The following TNIK variants were observed in gnomAD, a reference collection of about 807,000 sequenced individuals.
The protein encoded by TNIK is TRAF2 and NCK interacting kinase.
TNIK carries 49 observed loss-of-function variants against 191.3 expected under a neutral mutation model. The ratio of observed to expected loss-of-function variants is 0.26; its 90% confidence interval spans 0.20 to 0.32. TNIK has a LOEUF of 0.32. TNIK is among the 10% of genes least tolerant of loss of function. TNIK has a pLI of 1.00. For synonymous variants in TNIK, 594 were observed against 600.9 expected (o/e 0.99, Z 0.17); for missense variants, 1,155 against 1,702.3 (o/e 0.68, Z 5.66).
At chr3:171,171,703 C>T (rs998014799) in intron 9 of TNIK, among the ~76,000 whole-genome samples, 20 of 152,060 alleles carry the variant, frequency 1.3e-4, no homozygotes, top group Admixed American at 9.2e-4. Flanking sequence ...AGTATACTTG[C>T]GAGGGCAGGT....
chr3:171,244,897 CA>C (rs1468225881), intron 2 of TNIK, among the ~76,000 whole-genome samples: 1 of 151,444 alleles, frequency 6.6e-6, no homozygotes, highest in Non-Finnish European at 1.5e-5. Flanking sequence ...TAGATTTCAA[CA>C]AAAGGCTTGA....
rs1483416646 is a variant in TNIK at position 171,362,898 on chromosome 3, C to T, written c.123+6722G>A. ...AGATACAGTGGAAATGCCAAAGCCT[C>T]TAAGCTTTTTCCAAACCCACATCTT... On this transcript the variant is annotated intron_variant, in intron 2 of 32. Transcript: ENST00000436636. Among the ~76,000 whole-genome samples, 8 of 152,274 alleles carry T rather than the reference C, an allele frequency of 5.3e-5. No individual in the cohort carries two copies. The East Asian group carries it at 1.4e-3, about 26-fold the overall frequency.
chr3:171,157,661 G>A lies in TNIK; in HGVS notation c.1020C>T (p.Ser340=), dbSNP rs765581065. The A allele has an allele frequency of 6.4e-7, 1 of 1,553,734 alleles. No individual in the cohort carries two copies. The highest frequency in any genetic ancestry group is 8.7e-7 in the Non-Finnish European group (1 of 1,148,284). The change falls in exon 12 of 33, where the codon TCC becomes TCT. Residue 340 remains serine (S), a synonymous_variant. Transcript: ENST00000436636. ...EEENDSGEPS[S]ILNLPGESTL... is the part of the protein sequence containing the mutation. ...TCGACTCCCCTGGCAGATTCAGGAT[G>A]GAGCTGTGGGTAGGAGAGAGTGATC...
intron 1 of TNIK, 87 bp downstream of exon 1, chr3:171,459,920 G>A: frequency 8.6e-7 from 1 of 1,157,390 alleles, no homozygotes; most frequent in Non-Finnish European, 1.2e-6. Flanking sequence ...CTGTCCCCCT[G>A]CCCCAGCCCC....
intron 13 of TNIK, 66 bp downstream of exon 13, chr3:171,140,333 C>T (rs1422851194): frequency 5.2e-6 from 7 of 1,356,228 alleles, no homozygotes; most frequent in Non-Finnish European, 7.0e-6. Context: ...GTGACCCACA[C>T]CCCAGAGAAG....
intron 2 of TNIK, among the ~76,000 whole-genome samples, chr3:171,368,094 G>C (rs1715993249): frequency 6.6e-6 from 1 of 152,072 alleles, no homozygotes; most frequent in Admixed American, 6.5e-5. Context: ...GATAATTCTG[G>C]ATTTTCCAAA....
intron 2 of TNIK, among the ~76,000 whole-genome samples, chr3:171,246,721 G>C (rs1229264084): frequency 1.3e-5 from 2 of 152,158 alleles, no homozygotes; most frequent in Non-Finnish European, 2.9e-5. Context: ...TCAAGATCTT[G>C]AGTTTTCAGC....
chr3:171,227,065 T>C (rs374468141), intron 3 of TNIK, among the ~76,000 whole-genome samples: 5 of 152,310 alleles, frequency 3.3e-5, no homozygotes, highest in Admixed American at 6.5e-5. Flanking sequence ...TTAGCTTTCA[T>C]GTACAGCAGA....
intron 25 of TNIK, 31 bp downstream of exon 25, chr3:171,085,087 G>A: frequency 6.4e-7 from 1 of 1,558,694 alleles, no homozygotes; most frequent in Non-Finnish European, 8.7e-7. Flanking sequence ...AGACGAAGCT[G>A]TTTTTTAAAC....
chr3:171,135,948 G>A (rs921549392), intron 15 of TNIK, among the ~76,000 whole-genome samples: 5 of 152,224 alleles, frequency 3.3e-5, no homozygotes, highest in African/African-American at 1.2e-4. Context: ...AGAGAGGACA[G>A]ACCAGTAAAT....
At chr3:171,251,163 A>G (rs1577251555) in intron 2 of TNIK, among the ~76,000 whole-genome samples, 1 of 152,218 alleles carries the variant, frequency 6.6e-6, no homozygotes, top group South Asian at 2.1e-4. Context: ...ACATGTTGGA[A>G]CCTGCCTGTG....
intron 2 of TNIK, among the ~76,000 whole-genome samples, chr3:171,257,524 A>C (rs1747036462): frequency 6.6e-6 from 1 of 152,200 alleles, no homozygotes; most frequent in Admixed American, 6.5e-5. Flanking sequence ...CTTGTTTGAT[A>C]GTATTTATGC....
chr3:171,225,777 CA>C (rs1275046564), intron 3 of TNIK: 1 of 359,272 alleles, frequency 2.8e-6, no homozygotes, highest in Non-Finnish European at 5.5e-6. Flanking sequence ...ATACTTTGAA[CA>C]TCAACACACA....
intron 1 of TNIK, among the ~76,000 whole-genome samples, chr3:171,426,477 C>G (rs1724634350): frequency 1.3e-5 from 2 of 151,624 alleles, no homozygotes; most frequent in South Asian, 4.2e-4. Context: ...ATGGGTGCAG[C>G]ACACCAACAT....
At chr3:171,078,256 C>T (rs932528138) in intron 28 of TNIK, among the ~76,000 whole-genome samples, 8 of 151,972 alleles carry the variant, frequency 5.3e-5, no homozygotes, top group Admixed American at 1.3e-4. Flanking sequence ...ATTCTTTCTT[C>T]AATACTTTCA....
chr3:171,248,251 C>T (rs942393586), intron 2 of TNIK, among the ~76,000 whole-genome samples: 2 of 151,888 alleles, frequency 1.3e-5, no homozygotes, highest in Non-Finnish European at 2.9e-5. Flanking sequence ...GCAGGGGCAG[C>T]GGAAGGGAGG....
Position 171,077,892 on chromosome 3 carries a change from C to CAT in TNIK, c.3448+1624_3448+1625dup, listed in dbSNP as rs149061789. ...GTGTATACACATACACACACTCACA[C>CAT]ATATATATATATCTCCTTAACCCTT... On this transcript the variant is annotated intron_variant, in intron 28 of 32. Coordinates refer to ENST00000436636, the MANE Select transcript of TNIK (RefSeq NM_015028.4). Among the ~76,000 whole-genome samples the CAT allele has an allele frequency of 5.9e-3, 880 of 148,838 alleles. 9 individuals carry two copies. Among genetic ancestry groups the CAT allele is most frequent in the African/African-American group, 0.02 (785 of 38,844 alleles).
chr3:171,459,940 T>C (rs1729268697), intron 1 of TNIK, 67 bp downstream of exon 1: 1 of 1,276,552 alleles, frequency 7.8e-7, no homozygotes. Context: ...CAGCCCCCAG[T>C]CCACGCACCG....
chr3:171,425,720 C>T (rs995538823), intron 1 of TNIK, among the ~76,000 whole-genome samples: 5 of 150,838 alleles, frequency 3.3e-5, no homozygotes, highest in Admixed American at 6.6e-5. Context: ...TCCAGCTATT[C>T]GGGAGACTGA....
Sources: allele counts gnomAD v4.1 joint callset (sites outside exome capture counted in the v4.1 genomes callset), GRCh38; gene constraint gnomAD v4.1.1; transcripts MANE v1.5; gene names NCBI Gene and HGNC (gene_info 2026-07-23, HGNC 2026-07-21).